IFT80: variants seen among roughly 807,000 people sequenced by gnomAD.
The protein encoded by IFT80 is intraflagellar transport 80.
IFT80 carries 79 observed loss-of-function variants against 107.9 expected under a neutral mutation model. The observed-to-expected ratio is 0.73, with a 90% CI of 0.61 to 0.88. IFT80 has a LOEUF of 0.88. Among genes scored for constraint, IFT80 ranks in the 40% least tolerant of loss-of-function variants. The pLI, the probability that IFT80 is intolerant of heterozygous loss-of-function variation, is 0.00. For synonymous variants in IFT80, 299 were observed against 300.9 expected (o/e 0.99, Z 0.07); for missense variants, 797 against 914.2 (o/e 0.87, Z 1.65).
intron 19 of IFT80, among the ~76,000 whole-genome samples, chr3:160,267,333 C>G: frequency 6.6e-6 from 1 of 152,140 alleles, no homozygotes; most frequent in East Asian, 1.9e-4. Flanking sequence ...CCCCTATGAT[C>G]AATCAGAACA....
At chr3:160,371,449 T>C (rs949170540) in intron 5 of IFT80, among the ~76,000 whole-genome samples, 30 of 152,272 alleles carry the variant, frequency 2.0e-4, no homozygotes, top group African/African-American at 7.0e-4. Context: ...TTGTATTGAT[T>C]GATTTTTTTT....
chr3:160,282,761 A>G (rs981028177), intron 13 of IFT80, 148 bp from the exon 14 acceptor site: 2 of 632,628 alleles, frequency 3.2e-6, no homozygotes, highest in Non-Finnish European at 2.7e-6. Context: ...AAATAATTTT[A>G]AACTGCCAAT....
intron 6 of IFT80, among the ~76,000 whole-genome samples, chr3:160,364,500 G>C (rs879588519): frequency 6.6e-6 from 1 of 152,114 alleles, no homozygotes; most frequent in African/African-American, 2.4e-5. Flanking sequence ...TCCCATTACT[G>C]GGTATATACC....
chr3:160,372,656 ATATC>A (rs1477619471), intron 5 of IFT80, among the ~76,000 whole-genome samples: 4 of 152,236 alleles, frequency 2.6e-5, no homozygotes, highest in African/African-American at 9.6e-5. Flanking sequence ...CAAAATGGGA[ATATC>A]TATCTAATTT....
intron 5 of IFT80, 31 bp downstream of exon 5, chr3:160,375,781 C>T: frequency 6.5e-7 from 1 of 1,545,984 alleles, no homozygotes; most frequent in Non-Finnish European, 8.9e-7. Flanking sequence ...GTATAATTTG[C>T]AAAAATGAAA....
intron 19 of IFT80, 130 bp downstream of exon 19, chr3:160,268,283 G>T (rs992279246): frequency 3.7e-6 from 3 of 802,976 alleles, no homozygotes; most frequent in Non-Finnish European, 6.0e-6. Flanking sequence ...GATGTCATAA[G>T]GCAAAAAGTA....
intron 19 of IFT80, among the ~76,000 whole-genome samples, chr3:160,266,558 A>C (rs989749385): frequency 2.0e-5 from 3 of 151,922 alleles, no homozygotes; most frequent in African/African-American, 7.2e-5. Context: ...TAATTTTTAA[A>C]TTTTTTGTAC....
rs116693093 is a variant in IFT80 at position 160,310,773 on chromosome 3, G to A, written c.958-2992C>T. Among the ~76,000 whole-genome samples, 699 of 152,258 alleles carry A rather than the reference G, an allele frequency of 4.6e-3. 5 individuals carry two copies. The highest frequency in any genetic ancestry group is 0.016 in the African/African-American group (651 of 41,550). On this transcript the variant is annotated intron_variant, in intron 9 of 19. Transcript: ENST00000326448. ...CTCCTGATGTGATGCAACAGGAAGT[G>A]CACAGCATCACCTAAGGCTCTAAAC...
intron 9 of IFT80, among the ~76,000 whole-genome samples, chr3:160,312,583 A>AAT (rs1303814052): frequency 2.0e-5 from 2 of 99,012 alleles, no homozygotes; most frequent in Non-Finnish European, 3.9e-5. Flanking sequence ...ATATATATAT[A>AAT]ATATATATAA....
intron 9 of IFT80, among the ~76,000 whole-genome samples, chr3:160,312,661 AATATATAAT>A (rs1287940187): frequency 6.7e-5 from 3 of 44,484 alleles, no homozygotes; most frequent in East Asian, 5.7e-4. Context: ...ATAAATATAT[AATATATAAT>A]ATATATAATA....
chr3:160,353,599 C>T (rs952587492), intron 8 of IFT80, among the ~76,000 whole-genome samples: 1 of 152,182 alleles, frequency 6.6e-6, no homozygotes, highest in East Asian at 1.9e-4. Flanking sequence ...ACTCTCTTCC[C>T]CAACTTTGTC....
intron 9 of IFT80, 23 bp from the exon 10 acceptor site, chr3:160,307,804 C>A: frequency 8.4e-7 from 1 of 1,186,074 alleles, no homozygotes; most frequent in East Asian, 2.3e-5. Flanking sequence ...AAATAAAATA[C>A]CAATAAACAT....
intron 6 of IFT80, among the ~76,000 whole-genome samples, chr3:160,359,155 T>C (rs1041168367): frequency 2.0e-5 from 3 of 152,224 alleles, no homozygotes; most frequent in Non-Finnish European, 4.4e-5. Flanking sequence ...CCAAAAGGAA[T>C]AGATAATTTG....
intron 3 of IFT80, among the ~76,000 whole-genome samples, chr3:160,380,444 C>T (rs750118494): frequency 2.6e-5 from 4 of 152,098 alleles, no homozygotes; most frequent in African/African-American, 9.7e-5. Flanking sequence ...TACTGGCCAC[C>T]GTCATACTCA....
At chr3:160,398,953 C>G (rs943226012) in intron 1 of IFT80, among the ~76,000 whole-genome samples, 193 bp downstream of exon 1, 1 of 152,184 alleles carries the variant, frequency 6.6e-6, no homozygotes, top group African/African-American at 2.4e-5. Context: ...TTCCAGTTGT[C>G]TCTCTACTCC....
chr3:160,327,575 G>C lies in IFT80; in HGVS notation c.778-7636C>G, dbSNP rs576361235. ...CAAACCTGACAAAACAAGCAATGAG[G>C]AAAGGAGTCCCTATTTAATAAACAA... On this transcript the variant is annotated intron_variant, in intron 8 of 19. Coordinates refer to ENST00000326448, the MANE Select transcript of IFT80 (RefSeq NM_020800.3). Among the ~76,000 whole-genome samples the C allele has an allele frequency of 3.3e-5, 5 of 152,250 alleles. No homozygotes were observed. In the South Asian group the frequency reaches 1.0e-3, roughly 32 times the overall value.
In IFT80 at chr3:160,356,162, A is replaced by G. The variant is rs1409219481; in HGVS notation, c.640-12T>C. 4 of 1,610,340 alleles carry G rather than the reference A, an allele frequency of 2.5e-6. No homozygotes were observed. Among genetic ancestry groups the G allele is most frequent in the Non-Finnish European group, 3.4e-6 (4 of 1,177,834 alleles). ...TAACTATCCCATACCTACAAAAGCA[A>G]TTTTTAAAAATCTTTTATAATATCA... On this transcript the variant is annotated splice_polypyrimidine_tract_variant and intron_variant, in intron 7 of 19. Transcript: ENST00000326448.
chr3:160,342,538 T>C (rs538750343), intron 8 of IFT80: 60 of 152,318 alleles, frequency 3.9e-4, no homozygotes, highest in African/African-American at 1.4e-3. Context: ...TAAAAGTATC[T>C]CTTCAATGCC....
At chr3:160,298,204 A>AC (rs1716139658) in intron 12 of IFT80, among the ~76,000 whole-genome samples, 1 of 152,152 alleles carries the variant, frequency 6.6e-6, no homozygotes, top group Non-Finnish European at 1.5e-5. Flanking sequence ...TTAGGAAGGA[A>AC]CCAGTGATAT....
Sources: gnomAD v4.1 joint callset for allele counts (sites outside exome capture counted in the v4.1 genomes callset) on GRCh38, gnomAD v4.1.1 for gene constraint, MANE v1.5 for transcripts, NCBI Gene and HGNC (gene_info 2026-07-23, HGNC 2026-07-21) for gene names.